Variants in MTUS2 observed in about 807,000 individuals in gnomAD.
MTUS2 encodes microtubule associated scaffold protein 2, also known as microtubule-associated tumor suppressor candidate 2.
In MTUS2, 40 loss-of-function variants were observed where a neutral mutation model predicts 114.1. The ratio of observed to expected loss-of-function variants is 0.35; its 90% CI spans 0.27 to 0.46. The LOEUF (loss-of-function observed/expected upper bound fraction) is 0.46. Ranked by LOEUF, MTUS2 falls within the 20% of genes least tolerant of loss-of-function variation. The probability of loss-of-function intolerance (pLI) is 1.00; values close to 1 mark genes in which losing one functional copy is unlikely to be tolerated. For missense variants in MTUS2, 1,679 were observed against 1,705.4 expected, an observed-to-expected ratio of 0.98 and a Z score of 0.27; for synonymous variants, 688 against 672.0, an observed-to-expected ratio of 1.02 and a Z score of -0.37.
intron 7 of MTUS2, among the ~76,000 whole-genome samples, chr13:29,334,453 C>A (rs1166340969): frequency 6.6e-6 from 1 of 152,134 alleles, no homozygotes; most frequent in Non-Finnish European, 1.5e-5. Context: ...TTTATTTCCC[C>A]TTCACTTTTG....
At chr13:29,275,425 A>C (rs1898027604) in intron 5 of MTUS2, among the ~76,000 whole-genome samples, 1 of 152,128 alleles carries the variant, frequency 6.6e-6, no homozygotes, top group South Asian at 2.1e-4. Context: ...AAATTATTTT[A>C]ATTATAGTCA....
In MTUS2 at chr13:29,266,372, A is replaced by G. The variant is rs1025481402; in HGVS notation, c.2645-15332A>G. On this transcript the variant is annotated intron_variant, in intron 5 of 15. Coordinates refer to ENST00000612955, the MANE Select transcript of MTUS2 (RefSeq NM_001033602.4). ...CCCAAGCAGTCCTAACCACTTAACT[A>G]TCAGCCTTTCAAACTTTATCAAACC... is the stretch of plus-strand genomic sequence containing the variant. Among the ~76,000 whole-genome samples the G allele has an allele frequency of 4.6e-5, 7 of 152,324 alleles. No homozygotes were observed. In the East Asian group the frequency reaches 7.7e-4, roughly 17 times the overall value.
intron 2 of MTUS2, among the ~76,000 whole-genome samples, chr13:28,963,647 A>G (rs1883440613): frequency 6.6e-6 from 1 of 152,096 alleles, no homozygotes; most frequent in Non-Finnish European, 1.5e-5. Context: ...TCTTTCATCC[A>G]TTTCACACAG....
chr13:29,178,050 G>A (rs2139145276), intron 5 of MTUS2, among the ~76,000 whole-genome samples: 1 of 152,312 alleles, frequency 6.6e-6, no homozygotes, highest in African/African-American at 2.4e-5. Flanking sequence ...GTTGTCTGCA[G>A]TGCCCCGGTG....
Position 29,305,561 on chromosome 13 carries a change from C to G in MTUS2, c.2807-19052C>G, listed in dbSNP as rs564132212. Among the ~76,000 whole-genome samples the G allele has an allele frequency of 5.3e-5, 8 of 152,186 alleles. No homozygotes were observed. The South Asian group carries it at 1.7e-3, about 32-fold the overall frequency. On this transcript the variant is annotated intron_variant, in intron 6 of 15. Transcript: ENST00000612955. ...GAAGAAATGAATAAATTCTTGGGTG[C>G]ATACACCCTCCCAAAACTGAACTAG...
At chr13:28,963,206 C>G (rs1883413033) in intron 2 of MTUS2, among the ~76,000 whole-genome samples, 1 of 151,918 alleles carries the variant, frequency 6.6e-6, no homozygotes, top group Non-Finnish European at 1.5e-5. Context: ...AAAAAATTAG[C>G]CGGGCGTGGT....
intron 8 of MTUS2, among the ~76,000 whole-genome samples, chr13:29,385,452 C>T (rs1872569275): frequency 6.6e-6 from 1 of 152,156 alleles, no homozygotes; most frequent in Admixed American, 6.6e-5. Context: ...TGGAAGGAAG[C>T]AATTAGAACG....
intron 6 of MTUS2, among the ~76,000 whole-genome samples, chr13:29,296,705 T>G (rs1593273405): frequency 6.6e-6 from 1 of 152,232 alleles, no homozygotes; most frequent in East Asian, 1.9e-4. Flanking sequence ...TTACTGATGT[T>G]GAACATTTTT....
At chr13:29,033,632 C>A (rs1330216994) in intron 3 of MTUS2, among the ~76,000 whole-genome samples, 1 of 151,998 alleles carries the variant, frequency 6.6e-6, no homozygotes, top group Non-Finnish European at 1.5e-5. Context: ...AAAATCTTAT[C>A]CAGTGAGTTC....
At chr13:28,820,129 G>T (rs965908275), upstream of MTUS2, among the ~76,000 whole-genome samples, 3 of 146,914 alleles carry the variant, frequency 2.0e-5, no homozygotes, top group African/African-American at 7.3e-5. Context: ...GCGGCCGCCG[G>T]CCCCGCGGCT....
chr13:29,084,528 T>TCC (rs1565999125), intron 4 of MTUS2, among the ~76,000 whole-genome samples: 2 of 70,430 alleles, frequency 2.8e-5, no homozygotes, highest in Non-Finnish European at 6.1e-5. Flanking sequence ...CCCTCCCCTC[T>TCC]CCCCCCCTTC....
chr13:29,403,665 T>C (rs965410331), intron 8 of MTUS2, among the ~76,000 whole-genome samples: 1 of 152,178 alleles, frequency 6.6e-6, no homozygotes, highest in African/African-American at 2.4e-5. Context: ...TTGATTTTGT[T>C]TTTCCTGCCT....
At chr13:29,463,106 T>A (rs1735718493) in intron 9 of MTUS2, among the ~76,000 whole-genome samples, 1 of 152,056 alleles carries the variant, frequency 6.6e-6, no homozygotes, top group Non-Finnish European at 1.5e-5. Flanking sequence ...GATTTGCTAA[T>A]TTGCAGATTC....
chr13:29,193,985 C>A (rs374342092), intron 5 of MTUS2, among the ~76,000 whole-genome samples: 2 of 151,782 alleles, frequency 1.3e-5, no homozygotes, highest in African/African-American at 2.4e-5. Flanking sequence ...GAAAAACAAG[C>A]AATGGGGAAA....
At chr13:28,925,676 C>G (rs1203162111) in intron 2 of MTUS2, among the ~76,000 whole-genome samples, 1 of 152,086 alleles carries the variant, frequency 6.6e-6, no homozygotes, top group African/African-American at 2.4e-5. Flanking sequence ...AAACTTTGGG[C>G]CGTGGGCAAG....
At chr13:29,372,996 TA>T (rs1244339567) in intron 8 of MTUS2, among the ~76,000 whole-genome samples, 2 of 152,198 alleles carry the variant, frequency 1.3e-5, no homozygotes, top group African/African-American at 4.8e-5. Flanking sequence ...GAAAGTATCA[TA>T]AAATTAGTGG....
At chr13:29,192,706 G>A (rs562571247) in intron 5 of MTUS2, among the ~76,000 whole-genome samples, 1 of 152,206 alleles carries the variant, frequency 6.6e-6, no homozygotes, top group South Asian at 2.1e-4. Context: ...AAAAACTTAT[G>A]ATTCGCCTAA....
chr13:29,133,956 A>G (rs1032045077), intron 5 of MTUS2, among the ~76,000 whole-genome samples: 3 of 152,092 alleles, frequency 2.0e-5, no homozygotes, highest in Non-Finnish European at 4.4e-5. Context: ...TTCTCATTCA[A>G]GTTCCTTAAA....
chr13:28,894,765 G>C (rs1162558057), intron 2 of MTUS2, among the ~76,000 whole-genome samples: 1 of 152,246 alleles, frequency 6.6e-6, no homozygotes, highest in African/African-American at 2.4e-5. Flanking sequence ...TTTTGGTAAA[G>C]GGTAGGGCAT....
Sources: gnomAD v4.1 joint callset for allele counts (sites outside exome capture counted in the v4.1 genomes callset) on GRCh38, gnomAD v4.1.1 for gene constraint, MANE v1.5 for transcripts, NCBI Gene and HGNC (gene_info 2026-07-23, HGNC 2026-07-21) for gene names.